The following PIR variants were observed in gnomAD, a reference collection of about 807,000 sequenced individuals.
The protein encoded by PIR is pirin.
In PIR, 22 loss-of-function variants were observed where a neutral mutation model predicts 24.2. The ratio of observed to expected loss-of-function variants is 0.91; its 90% CI spans 0.65 to 1.30. The LOEUF is 1.30. PIR is among the 50% of genes most tolerant of loss of function. The pLI is 0.00. For synonymous variants in PIR, 80 were observed against 79.6 expected (o/e 1.00, Z -0.03); for missense variants, 220 against 220.3 (o/e 1.00, Z 0.01).
intron 5 of PIR, among the ~76,000 whole-genome samples, chrX:15,447,775 G>C (rs1256120456): frequency 8.9e-6 from 1 of 112,036 alleles, no homozygotes. Context: ...CCTGGGAAAA[G>C]ACATACTATA....
intron 6 of PIR, 40 bp downstream of exon 6, chrX:15,425,866 T>G (rs1602261052): frequency 1.2e-6 from 1 of 803,342 alleles, no homozygotes; most frequent in East Asian, 3.2e-5. Flanking sequence ...TTTCTTTTTT[T>G]TTTCCTGACG....
At chrX:15,431,745 A>G (rs184755131) in intron 5 of PIR, among the ~76,000 whole-genome samples, 226 of 107,115 alleles carry the variant, frequency 2.1e-3, no homozygotes, top group African/African-American at 7.0e-3. Flanking sequence ...AAAAGTTTAA[A>G]GGCACCACCT....
At chrX:15,471,875 C>T (rs1349822505) in intron 3 of PIR, among the ~76,000 whole-genome samples, 1 of 112,231 alleles carries the variant, frequency 8.9e-6, no homozygotes, top group Admixed American at 9.5e-5. Flanking sequence ...ATCCTTTCAG[C>T]TAGGCAATGT....
intron 3 of PIR, among the ~76,000 whole-genome samples, chrX:15,473,132 T>C (rs953570507): frequency 2.7e-5 from 3 of 112,425 alleles, no homozygotes; most frequent in African/African-American, 9.7e-5. Flanking sequence ...TGGTAAGCCA[T>C]GCTATTGGAC....
intron 3 of PIR, among the ~76,000 whole-genome samples, chrX:15,477,087 G>A (rs140801017): frequency 0.019 from 2,093 of 111,600 alleles, 38 homozygotes; most frequent in African/African-American, 0.064. Context: ...AACATCACAG[G>A]TGATTCTAAA....
intron 3 of PIR, among the ~76,000 whole-genome samples, chrX:15,474,397 C>A (rs1185828249): frequency 8.9e-6 from 1 of 112,185 alleles, no homozygotes; most frequent in Non-Finnish European, 1.9e-5. Flanking sequence ...GGTTATGGTG[C>A]GTCCACAAGG....
At chrX:15,445,603 AT>A (rs1926064194) in intron 5 of PIR, among the ~76,000 whole-genome samples, 1 of 111,270 alleles carries the variant, frequency 9.0e-6, no homozygotes, top group Non-Finnish European at 1.9e-5. Flanking sequence ...GTAAATTGTC[AT>A]TGTTTTATTT....
intron 5 of PIR, among the ~76,000 whole-genome samples, chrX:15,440,617 T>C (rs979974762): frequency 1.8e-5 from 2 of 111,818 alleles, no homozygotes; most frequent in African/African-American, 6.5e-5. Context: ...TTCCCATCCT[T>C]GCCAGCACTT....
chrX:15,448,125 T>C (rs1339470648), intron 5 of PIR, among the ~76,000 whole-genome samples: 4 of 111,996 alleles, frequency 3.6e-5, no homozygotes, highest in Admixed American at 9.4e-5. Flanking sequence ...ACACCAAGAA[T>C]GGTATTTCTG....
intron 8 of PIR, among the ~76,000 whole-genome samples, chrX:15,396,187 C>T (rs752096074): frequency 7.1e-5 from 8 of 111,991 alleles, no homozygotes; most frequent in African/African-American, 1.9e-4. Context: ...ACATTTTTGT[C>T]GGTCAAAAGT....
chrX:15,441,861 C>T (rs191905097), intron 5 of PIR, among the ~76,000 whole-genome samples: 15 of 111,076 alleles, frequency 1.4e-4, no homozygotes, highest in African/African-American at 4.9e-4. Flanking sequence ...TTAATGAAGC[C>T]GGGGAAGTAT....
chrX:15,434,870 T>C (rs1310140692), intron 5 of PIR, among the ~76,000 whole-genome samples: 1 of 111,765 alleles, frequency 8.9e-6, no homozygotes, highest in Non-Finnish European at 1.9e-5. Flanking sequence ...AAAGATCATA[T>C]AAATGTTTGT....
chrX:15,472,193 G>A (rs1921957514), intron 3 of PIR, among the ~76,000 whole-genome samples: 1 of 112,003 alleles, frequency 8.9e-6, no homozygotes, highest in South Asian at 3.7e-4. Flanking sequence ...AAGAAATTTT[G>A]AAAACATGAA....
At chrX:15,390,521 A>G (rs961923477) in intron 8 of PIR, among the ~76,000 whole-genome samples, 5 of 111,963 alleles carry the variant, frequency 4.5e-5, no homozygotes, top group Non-Finnish European at 9.4e-5. Flanking sequence ...GATTTCTTTA[A>G]CTGGAAATAT....
intron 7 of PIR, among the ~76,000 whole-genome samples, chrX:15,401,823 A>G (rs867316112): frequency 5.8e-5 from 6 of 103,638 alleles, no homozygotes; most frequent in Middle Eastern, 4.8e-3. Flanking sequence ...GCAAATGCCA[A>G]TTTTTCTTTT....
chrX:15,458,295 AC>A (rs1340690195), intron 4 of PIR, among the ~76,000 whole-genome samples: 1 of 111,622 alleles, frequency 9.0e-6, no homozygotes, highest in Non-Finnish European at 1.9e-5. Context: ...GTTTTTAAAA[AC>A]ATCTTTAAAT....
intron 2 of PIR, among the ~76,000 whole-genome samples, chrX:15,488,968 A>G (rs961847226): frequency 4.5e-5 from 5 of 111,599 alleles, no homozygotes; most frequent in Non-Finnish European, 9.4e-5. Flanking sequence ...TAACCATTTC[A>G]AGAGTACAGT....
At chrX:15,417,428 C>T (rs1313062115) in intron 6 of PIR, among the ~76,000 whole-genome samples, 1 of 112,415 alleles carries the variant, frequency 8.9e-6, no homozygotes, top group Non-Finnish European at 1.9e-5. Context: ...CAAGTAGCTA[C>T]TGTATGTATG....
At chrX:15,442,997 C>A (rs1426669599) in intron 5 of PIR, among the ~76,000 whole-genome samples, 1 of 112,138 alleles carries the variant, frequency 8.9e-6, no homozygotes, top group African/African-American at 3.2e-5. Context: ...GATGAAACAG[C>A]CTTATATTGA....
Sources: allele counts gnomAD v4.1 joint callset (sites outside exome capture counted in the v4.1 genomes callset), GRCh38; gene constraint gnomAD v4.1.1; transcripts MANE v1.5; gene names NCBI Gene and HGNC (gene_info 2026-07-23, HGNC 2026-07-21).